Variants in MYO9A observed in about 807,000 individuals in gnomAD.
MYO9A encodes myosin IXA, also known as unconventional myosin-IXa.
MYO9A carries 103 observed loss-of-function variants against 293.3 expected under a neutral mutation model. The ratio of observed to expected loss-of-function variants is 0.35; its 90% CI spans 0.30 to 0.41. The LOEUF (loss-of-function observed/expected upper bound fraction) is 0.41, where lower values mean the gene tolerates loss of function less well. MYO9A is among the 10% of genes least tolerant of loss of function. MYO9A has a pLI of 1.00. For synonymous variants in MYO9A, 1,001 were observed against 1,035.7 expected, an observed-to-expected ratio of 0.97 and a Z score of 0.64; for missense variants, 2,685 against 3,033.0, an observed-to-expected ratio of 0.89 and a Z score of 2.69.
At chr15:71,907,864 A>G (rs376697493) in intron 19 of MYO9A, among the ~76,000 whole-genome samples, 19 of 152,122 alleles carry the variant, frequency 1.2e-4, no homozygotes, top group Middle Eastern at 3.4e-3. Flanking sequence ...AGATGAGTAG[A>G]TTGCAAAAAT....
At position 72,046,273 on chromosome 15, in the gene MYO9A, G is replaced by T. The variant is rs1733290988; in HGVS notation, c.291C>A (p.Arg97=). The T allele has an allele frequency of 6.2e-7, 1 of 1,613,966 alleles. No homozygotes were observed. Among genetic ancestry groups the T allele is most frequent in the Non-Finnish European group, 8.5e-7 (1 of 1,179,904 alleles). Residue 97 remains arginine, a synonymous_variant, in exon 2 of 42, where the codon CGC becomes CGA. Transcript: ENST00000356056. ...GGAAGCGGTAGTCCTCTCCACTTAAGCGATTTTCCAGAGCCATTCGGGGCC... is the reference window on the plus strand; with the variant it reads ...GGAAGCGGTAGTCCTCTCCACTTAATCGATTTTCCAGAGCCATTCGGGGCC... The part of the protein sequence containing the change: ...MLWPRMALEN[R]LSGEDYRFLL...
intron 14 of MYO9A, among the ~76,000 whole-genome samples, chr15:71,956,330 A>AATATATATATATATATATATATAT (rs1555490832): frequency 2.6e-5 from 2 of 75,576 alleles, no homozygotes; most frequent in African/African-American, 1.2e-4. Flanking sequence ...AAAAAAAAAA[A>AATATATATATATATATATATATAT]ATATATATAT....
At chr15:71,949,558 C>T (rs1181366488) in intron 15 of MYO9A, among the ~76,000 whole-genome samples, 5 of 151,902 alleles carry the variant, frequency 3.3e-5, no homozygotes, top group Non-Finnish European at 5.9e-5. Context: ...AAGCTAAGCA[C>T]AGGCAGAAAA....
chr15:71,826,585 C>T lies in MYO9A; in HGVS notation c.7642G>A (p.Val2548Ile), dbSNP rs537980084. 6.3e-7 allele frequency: 1 copy of T among 1,589,714 alleles called. No individual in the cohort carries two copies. The highest frequency in any genetic ancestry group is 1.8e-5 in the Admixed American group (1 of 55,170). The change falls in exon 42 of 42, where the codon GTC (valine) becomes ATC (isoleucine). Residue 2548 changes from valine to isoleucine, a missense_variant. Coordinates refer to ENST00000356056, the MANE Select transcript of MYO9A (RefSeq NM_006901.4). ...AGGGACACACATCTGCCGGTTCAGA[C>T]CATAAATTCATTATTTCCAAAGAGT... ...LALFGNNEFMV is the reference protein window; with the variant it reads ...LALFGNNEFMI
intron 14 of MYO9A, chr15:71,959,433 C>T (rs2059274773): frequency 6.3e-6 from 1 of 158,772 alleles, no homozygotes; most frequent in Non-Finnish European, 1.4e-5. Flanking sequence ...AAAATCTTCT[C>T]TATGCAGCAA....
At chr15:71,947,801 T>G (rs533457728) in intron 15 of MYO9A, among the ~76,000 whole-genome samples, 133 of 152,300 alleles carry the variant, frequency 8.7e-4, no homozygotes, top group Middle Eastern at 6.8e-3. Context: ...ATATTCTCAA[T>G]CATCCCAAAC....
chr15:72,043,299 A>G (rs1303921443), intron 2 of MYO9A, among the ~76,000 whole-genome samples: 1 of 152,224 alleles, frequency 6.6e-6, no homozygotes, highest in Non-Finnish European at 1.5e-5. Context: ...GCCAAGAGAA[A>G]TTAAAGAACT....
At chr15:72,070,112 C>A (rs1184286929) in intron 1 of MYO9A, among the ~76,000 whole-genome samples, 1 of 125,686 alleles carries the variant, frequency 8.0e-6, no homozygotes, top group Admixed American at 9.0e-5. Flanking sequence ...CTGGGTGACA[C>A]AGTGAGACTA....
chr15:72,108,327 G>C (rs1318990118), intron 1 of MYO9A, among the ~76,000 whole-genome samples: 1 of 152,130 alleles, frequency 6.6e-6, no homozygotes, highest in African/African-American at 2.4e-5. Flanking sequence ...GAGTGTTCTT[G>C]CCAAAACTTT....
At chr15:72,010,280 G>T (rs535160803) in intron 7 of MYO9A, 70 bp downstream of exon 7, 3 of 1,287,012 alleles carry the variant, frequency 2.3e-6, no homozygotes, top group South Asian at 2.7e-5. Flanking sequence ...AAAGGTCAAC[G>T]GCAGAAATCT....
intron 9 of MYO9A, among the ~76,000 whole-genome samples, chr15:71,998,832 G>T (rs572370012): frequency 6.6e-6 from 1 of 151,996 alleles, no homozygotes; most frequent in South Asian, 2.1e-4. Context: ...TGCGGTGTTC[G>T]GTTTTTTGTC....
chr15:71,908,635 T>TA (rs1441447385), intron 19 of MYO9A, among the ~76,000 whole-genome samples: 2 of 152,202 alleles, frequency 1.3e-5, no homozygotes, highest in African/African-American at 2.4e-5. Flanking sequence ...GGAGCAGTTT[T>TA]AGGTTCACAG....
Position 71,907,184 on chromosome 15 carries a change from A to C in MYO9A, c.2686-2178T>G, listed in dbSNP as rs536995602. On this transcript the variant is annotated intron_variant, in intron 19 of 41. Transcript: ENST00000356056. ...GTTCAATTCCCACCTATGAGGGAGA[A>C]TATGCGGTGTTTGGTTTTTTGTTTT... is the stretch of plus-strand genomic sequence containing the variant. Among the ~76,000 whole-genome samples the C allele has an allele frequency of 5.3e-5, 8 of 150,926 alleles. 1 individual carries two copies. The South Asian group carries it at 1.7e-3, about 32-fold the overall frequency.
intron 36 of MYO9A, among the ~76,000 whole-genome samples, chr15:71,851,842 T>C (rs2055662301): frequency 6.6e-6 from 1 of 152,224 alleles, no homozygotes; most frequent in Admixed American, 6.5e-5. Flanking sequence ...TTAAAACTTA[T>C]TTTTAATATT....
chr15:72,003,237 G>A (rs2076920062), intron 8 of MYO9A, among the ~76,000 whole-genome samples: 2 of 147,576 alleles, frequency 1.4e-5, no homozygotes, highest in Non-Finnish European at 3.0e-5. Context: ...CCATTGCACT[G>A]TAGCCTGGGC....
At chr15:72,032,649 G>C in intron 2 of MYO9A, 61 bp from the exon 3 acceptor site, 1 of 1,125,116 alleles carries the variant, frequency 8.9e-7, no homozygotes, top group Non-Finnish European at 1.2e-6. Flanking sequence ...TTTTGGAGGG[G>C]GGATTAGGTC....
At chr15:71,944,483 T>C (rs1189762927) in intron 15 of MYO9A, among the ~76,000 whole-genome samples, 1 of 152,198 alleles carries the variant, frequency 6.6e-6, no homozygotes, top group African/African-American at 2.4e-5. Context: ...TTAATAGTTT[T>C]GGTCCTTACA....
chr15:72,004,103 C>T (rs568267107), intron 8 of MYO9A, among the ~76,000 whole-genome samples: 12 of 152,226 alleles, frequency 7.9e-5, no homozygotes, highest in Middle Eastern at 3.4e-3. Context: ...ACCCAATTCA[C>T]GATTTTTTAA....
At chr15:71,838,924 A>T (rs2055040024) in intron 39 of MYO9A, among the ~76,000 whole-genome samples, 1 of 152,212 alleles carries the variant, frequency 6.6e-6, no homozygotes, top group South Asian at 2.1e-4. Context: ...GAGCTCTAAA[A>T]AGGTACACTT....
Sources: gnomAD v4.1 joint callset for allele counts (sites outside exome capture counted in the v4.1 genomes callset) on GRCh38, gnomAD v4.1.1 for gene constraint, MANE v1.5 for transcripts, NCBI Gene and HGNC (gene_info 2026-07-23, HGNC 2026-07-21) for gene names.